CIMIP5: variants seen among roughly 807,000 people sequenced by gnomAD.
CIMIP5 encodes uncharacterized protein C2orf50.
chr2:11,143,848 C>T, the CIMIP5 span: 1 of 1,299,814 alleles, frequency 7.7e-7, no homozygotes, highest in East Asian at 2.6e-5. Context: ...CTGCTCTCTG[C>T]TCTGTTTTCT....
At chr2:11,151,926 G>C in the CIMIP5 span, among the ~76,000 whole-genome samples, 22,933 of 152,318 alleles carry the variant, frequency 0.15, 2,417 homozygotes, top group Non-Finnish European at 0.21. Context: ...GAGCCACCGC[G>C]CTCCGACTGG....
the CIMIP5 span, among the ~76,000 whole-genome samples, chr2:11,136,097 G>A: frequency 6.6e-6 from 1 of 152,074 alleles, no homozygotes; most frequent in South Asian, 2.1e-4. Context: ...TCACTTCATT[G>A]CTTGTTTCCT....
At chr2:11,152,484 G>A in the CIMIP5 span, among the ~76,000 whole-genome samples, 714 of 152,272 alleles carry the variant, frequency 4.7e-3, 10 homozygotes, top group African/African-American at 0.017. Flanking sequence ...ATAATTTCCT[G>A]TTATAATTTT....
At chr2:11,147,358 G>A in the CIMIP5 span, among the ~76,000 whole-genome samples, 347 of 152,290 alleles carry the variant, frequency 2.3e-3, 1 homozygote, top group East Asian at 0.017. Context: ...ACAGATTTAA[G>A]GGCATCTCCA....
the CIMIP5 span, among the ~76,000 whole-genome samples, chr2:11,140,261 GCTACT>G: frequency 6.6e-6 from 1 of 151,490 alleles, no homozygotes; most frequent in Non-Finnish European, 1.5e-5. Flanking sequence ...TGTAGTCCCA[GCTACT>G]CGGGAGGCTG....
At chr2:11,135,327 C>T in the CIMIP5 span, among the ~76,000 whole-genome samples, 1 of 152,212 alleles carries the variant, frequency 6.6e-6, no homozygotes, top group Non-Finnish European at 1.5e-5. Flanking sequence ...AGCAGTATCT[C>T]AGCATTTCAG....
the CIMIP5 span, chr2:11,146,928 A>G: frequency 6.6e-6 from 1 of 152,406 alleles, no homozygotes; most frequent in South Asian, 2.1e-4. Context: ...CACACTCAAA[A>G]TAAAGAAGAT....
chr2:11,141,527 A>G, the CIMIP5 span, among the ~76,000 whole-genome samples: 37 of 152,124 alleles, frequency 2.4e-4, no homozygotes, highest in African/African-American at 8.9e-4. Context: ...ACTCTTCAAG[A>G]TCCTGCTCTA....
chr2:11,133,675 G>A, the CIMIP5 span: 1 of 1,513,614 alleles, frequency 6.6e-7, no homozygotes, highest in Non-Finnish European at 8.8e-7. Flanking sequence ...GGAGATGGGA[G>A]GGCAAATGAT....
At chr2:11,145,175 G>A in the CIMIP5 span, 1 of 152,096 alleles carries the variant, frequency 6.6e-6, no homozygotes, top group African/African-American at 2.4e-5. Context: ...AGTAGAGATG[G>A]GGTTTCTCCA....
chr2:11,140,374 T>TAAAA, the CIMIP5 span: 3 of 279,780 alleles, frequency 1.1e-5, no homozygotes, highest in African/African-American at 3.0e-5. Context: ...GCCTCCGTCT[T>TAAAA]AAAAAAAAAA....
chr2:11,142,951 G>A, the CIMIP5 span, among the ~76,000 whole-genome samples: 16 of 152,048 alleles, frequency 1.1e-4, no homozygotes, highest in East Asian at 1.7e-3. Context: ...GAATCTTTCC[G>A]CCAAGGCTTC....
chr2:11,139,769 C>T, the CIMIP5 span, among the ~76,000 whole-genome samples: 2 of 152,192 alleles, frequency 1.3e-5, no homozygotes, highest in East Asian at 3.8e-4. Flanking sequence ...CTGCTTGACA[C>T]TTGGCATTTG....
the CIMIP5 span, among the ~76,000 whole-genome samples, chr2:11,136,792 T>C: frequency 6.6e-6 from 1 of 152,320 alleles, no homozygotes; most frequent in East Asian, 1.9e-4. Flanking sequence ...AGGAAACGGG[T>C]GGGCATTGGC....
At chr2:11,141,121 C>CTTTTTTT in the CIMIP5 span, among the ~76,000 whole-genome samples, 6 of 60,426 alleles carry the variant, frequency 9.9e-5, no homozygotes, top group African/African-American at 1.5e-4. Flanking sequence ...CCACAACACA[C>CTTTTTTT]TTTTTTTTTT....
the CIMIP5 span, chr2:11,145,757 GA>G: frequency 6.6e-6 from 1 of 152,374 alleles, no homozygotes; most frequent in African/African-American, 2.4e-5. Flanking sequence ...GCAGGGAAGA[GA>G]GGGGCACAAG....
At chr2:11,145,814 C>T in the CIMIP5 span, 10 of 152,280 alleles carry the variant, frequency 6.6e-5, no homozygotes, top group African/African-American at 2.2e-4. Context: ...TGAGTGAGCT[C>T]GTGGAGCAGA....
the CIMIP5 span, among the ~76,000 whole-genome samples, chr2:11,142,839 C>T: frequency 6.6e-6 from 1 of 151,390 alleles, no homozygotes; most frequent in Non-Finnish European, 1.5e-5. Flanking sequence ...CCCACCTCAG[C>T]CTCCTGAGTA....
the CIMIP5 span, among the ~76,000 whole-genome samples, chr2:11,134,194 A>G: frequency 6.6e-6 from 1 of 150,788 alleles, no homozygotes; most frequent in South Asian, 2.2e-4. Context: ...CTGAGACATG[A>G]AATAGGAGAA....
Sources: allele counts gnomAD v4.1 joint callset (sites outside exome capture counted in the v4.1 genomes callset), GRCh38; gene constraint gnomAD v4.1.1; transcripts MANE v1.5; gene names NCBI Gene and HGNC (gene_info 2026-07-23, HGNC 2026-07-21).